SLC38A4: variants seen among roughly 807,000 people sequenced by gnomAD.
SLC38A4 encodes the protein solute carrier family 38 member 4, also known as sodium-coupled neutral amino acid transporter 4.
A neutral mutation model predicts 63.1 loss-of-function variants in SLC38A4; 20 were observed. The observed-to-expected ratio is 0.32, with a 90% CI of 0.22 to 0.46. SLC38A4 has a LOEUF of 0.46. Ranked by LOEUF, SLC38A4 falls within the 20% of genes least tolerant of loss-of-function variation. SLC38A4 has a pLI of 1.00. For missense variants in SLC38A4, 526 were observed against 663.6 expected, an observed-to-expected ratio of 0.79 and a Z score of 2.28; for synonymous variants, 230 against 225.5, an observed-to-expected ratio of 1.02 and a Z score of -0.18.
intron 10 of SLC38A4, 108 bp downstream of exon 10, chr12:46,779,503 G>A: frequency 1.2e-6 from 1 of 836,864 alleles, no homozygotes; most frequent in Non-Finnish European, 1.9e-6. Context: ...TGTGATACAA[G>A]AACTATTTCA....
At chr12:46,777,310 G>A (rs946303013) in intron 12 of SLC38A4, among the ~76,000 whole-genome samples, 1 of 151,814 alleles carries the variant, frequency 6.6e-6, no homozygotes, top group East Asian at 1.9e-4. Context: ...GATCAAACAG[G>A]CTCCTAACAT....
intron 1 of SLC38A4, among the ~76,000 whole-genome samples, chr12:46,810,641 T>G (rs1374004077): frequency 6.6e-6 from 1 of 152,002 alleles, no homozygotes; most frequent in East Asian, 1.9e-4. Context: ...ATCGTGGTTA[T>G]TTCCAGAATG....
intron 14 of SLC38A4, among the ~76,000 whole-genome samples, chr12:46,770,666 C>T (rs1431571781): frequency 6.6e-6 from 1 of 152,030 alleles, no homozygotes; most frequent in African/African-American, 2.4e-5. Context: ...GAGGGAGTGA[C>T]ATTTGTGTTT....
intron 2 of SLC38A4, among the ~76,000 whole-genome samples, chr12:46,802,235 A>T (rs529376546): frequency 3.9e-5 from 6 of 152,188 alleles, no homozygotes; most frequent in African/African-American, 1.4e-4. Context: ...TTTCCCAAAG[A>T]GTAGTTTCCA....
intron 12 of SLC38A4, among the ~76,000 whole-genome samples, chr12:46,777,872 G>C (rs1193992788): frequency 6.6e-6 from 1 of 151,966 alleles, no homozygotes. Flanking sequence ...TCTAGACAAG[G>C]GTTAGGTGCT....
At chr12:46,789,158 C>T (rs1194893804) in intron 3 of SLC38A4, among the ~76,000 whole-genome samples, 1 of 151,474 alleles carries the variant, frequency 6.6e-6, no homozygotes, top group African/African-American at 2.4e-5. Context: ...CCCATTCTCC[C>T]CCTGGCATCA....
intron 2 of SLC38A4, among the ~76,000 whole-genome samples, chr12:46,794,539 G>T (rs1938960417): frequency 1.3e-5 from 2 of 150,774 alleles, no homozygotes; most frequent in South Asian, 4.2e-4. Context: ...GTCAAAAAAA[G>T]GAATTCTTAA....
intron 5 of SLC38A4, 96 bp from the exon 6 acceptor site, chr12:46,785,273 A>T (rs1446860998): frequency 1.0e-6 from 1 of 992,284 alleles, no homozygotes; most frequent in Admixed American, 2.1e-5. Context: ...TAATCTTTTC[A>T]ATCATCAGCT....
At chr12:46,799,967 T>C (rs1939095950) in intron 2 of SLC38A4, among the ~76,000 whole-genome samples, 1 of 152,184 alleles carries the variant, frequency 6.6e-6, no homozygotes, top group Non-Finnish European at 1.5e-5. Flanking sequence ...TTTTACCTTT[T>C]TCTTGGAATA....
intron 13 of SLC38A4, among the ~76,000 whole-genome samples, chr12:46,776,270 C>A (rs989403421): frequency 1.3e-5 from 2 of 151,980 alleles, no homozygotes; most frequent in Non-Finnish European, 2.9e-5. Flanking sequence ...ATCCTACTCC[C>A]TTTGTGAACT....
At chr12:46,825,702 C>A (rs1052547377) in intron 1 of SLC38A4, among the ~76,000 whole-genome samples, 5 of 152,164 alleles carry the variant, frequency 3.3e-5, no homozygotes, top group African/African-American at 9.7e-5. Flanking sequence ...AAGACTATAG[C>A]CTGAATAGCA....
chr12:46,774,657 A>G lies in SLC38A4; in HGVS notation c.1299+392T>C, dbSNP rs559997043. ...ATATTATTGCAGCACAACAAACTGG[A>G]AAAAAAATGAAATGCCTTCAAAACT... is the stretch of plus-strand genomic sequence containing the variant. On this transcript the variant is annotated intron_variant, in intron 14 of 16. Coordinates refer to ENST00000266579, the MANE Select transcript of SLC38A4 (RefSeq NM_018018.5). 1.7e-4 allele frequency among the ~76,000 whole-genome samples: 26 copies of G among 152,088 alleles called. No homozygotes were observed. The South Asian group carries it at 5.4e-3, about 32-fold the overall frequency.
intron 1 of SLC38A4, among the ~76,000 whole-genome samples, chr12:46,806,020 A>G (rs1939224004): frequency 6.6e-6 from 1 of 151,764 alleles, no homozygotes. Context: ...GTCCCTAGGG[A>G]CTGAGGACAT....
chr12:46,795,946 T>C (rs1296509718), intron 2 of SLC38A4, among the ~76,000 whole-genome samples: 5 of 152,118 alleles, frequency 3.3e-5, no homozygotes, highest in African/African-American at 9.7e-5. Context: ...CTTTCTTCTA[T>C]AGAAGACACA....
intron 5 of SLC38A4, among the ~76,000 whole-genome samples, chr12:46,785,744 T>C (rs1469104133): frequency 2.5e-4 from 33 of 133,686 alleles, no homozygotes; most frequent in African/African-American, 8.2e-4. Context: ...ATTCCTTTTT[T>C]TTTTTTTTTT....
chr12:46,780,866 C>T (rs1045187504), intron 7 of SLC38A4, among the ~76,000 whole-genome samples: 8 of 151,996 alleles, frequency 5.3e-5, no homozygotes, highest in African/African-American at 1.7e-4. Context: ...TGAAGGATAA[C>T]GTTAATTTGT....
rs1441159682 is a variant in SLC38A4, at chr12:46,778,511, A to G, written c.983T>C (p.Phe328Ser). 1 of 1,610,830 alleles carries G rather than the reference A, an allele frequency of 6.2e-7. No homozygotes were observed. Among genetic ancestry groups the G allele is most frequent in the Non-Finnish European group, 8.5e-7 (1 of 1,177,662 alleles). ...GGACCGCTCACTTACCCGGGAGTTG[A>G]ATACAAAGTATTTGGGTTCACACTT... ...DDKCEPKYFV[F>S]NSRTAYAIPI... The change falls in exon 11 of 17, where the codon TTC becomes TCC. Residue 328 changes from phenylalanine to serine, a missense_variant. By Grantham distance (155) the Phe-to-Ser change is radical. Transcript: ENST00000266579.
intron 1 of SLC38A4, among the ~76,000 whole-genome samples, chr12:46,815,122 T>A (rs929503310): frequency 9.9e-5 from 15 of 151,508 alleles, no homozygotes; most frequent in African/African-American, 3.4e-4. Context: ...AGTTATTCTA[T>A]GTTATGGTTG....
intron 12 of SLC38A4, 112 bp downstream of exon 12, chr12:46,778,177 A>T: frequency 1.0e-6 from 1 of 975,250 alleles, no homozygotes; most frequent in Non-Finnish European, 1.6e-6. Flanking sequence ...TGGATGGAGT[A>T]CATATTTTCT....
Sources: allele counts gnomAD v4.1 joint callset (sites outside exome capture counted in the v4.1 genomes callset), GRCh38; gene constraint gnomAD v4.1.1; transcripts MANE v1.5; gene names NCBI Gene and HGNC (gene_info 2026-07-23, HGNC 2026-07-21).